Variants in EIF4E observed in about 807,000 individuals in gnomAD.
The protein encoded by EIF4E is eukaryotic translation initiation factor 4E.
For synonymous variants in EIF4E, 71 were observed against 88.5 expected, an observed-to-expected ratio of 0.80 and a Z score of 1.11; for missense variants, 113 against 265.6, an observed-to-expected ratio of 0.43 and a Z score of 3.99.
intron 1 of EIF4E, among the ~76,000 whole-genome samples, chr4:98,911,303 C>A (rs1442140110): frequency 2.0e-5 from 3 of 150,894 alleles, no homozygotes; most frequent in African/African-American, 7.3e-5. Context: ...CCGCCTCGGC[C>A]TCCCAAAGTG....
At chr4:98,921,076 C>T (rs1158208694) in intron 1 of EIF4E, among the ~76,000 whole-genome samples, 1 of 152,226 alleles carries the variant, frequency 6.6e-6, no homozygotes, top group East Asian at 1.9e-4. Context: ...AGTGCTATTC[C>T]TTTTGCGGCA....
chr4:98,924,662 C>T (rs564388938), intron 1 of EIF4E, among the ~76,000 whole-genome samples: 1 of 152,046 alleles, frequency 6.6e-6, no homozygotes, highest in South Asian at 2.1e-4. Context: ...GGTACCATCT[C>T]GGTTCACTGC....
At position 98,928,933 on chromosome 4, in the gene EIF4E, G is replaced by C. The variant is rs111394750; in HGVS notation, c.18+162C>G. ...CTACACGCCGCCTCGGCCATCCTCCGGGACGTCCCCACTTGTCCGCGGGAG... is the reference window on the plus strand; with the variant it reads ...CTACACGCCGCCTCGGCCATCCTCCCGGACGTCCCCACTTGTCCGCGGGAG... On this transcript the variant is annotated intron_variant, in intron 1 of 6. Transcript: ENST00000450253. The C allele has an allele frequency of 3.8e-6, 6 of 1,575,582 alleles. No homozygotes were observed. In the Admixed American group the frequency reaches 5.5e-5, roughly 15 times the overall value.
rs1723855153 is a variant in EIF4E, at chr4:98,885,039, G to C, written c.422C>G (p.Ser141Cys). Residue 141 changes from serine (S) to cysteine (C), a missense_variant, in exon 6 of 7, where the codon TCT becomes TGT. Transcript: ENST00000450253. ...LETLLCLIGE[S>C]FDDYSDDVCG... ...TACATCATCACTGTAGTCATCAAAA[G>C]ATTCTCCAATAAGGCACAGAAGCTT... 2 of 1,612,932 alleles carry C rather than the reference G, an allele frequency of 1.2e-6. No individual in the cohort carries two copies. Among genetic ancestry groups the C allele is most frequent in the East Asian group, 2.2e-5 (1 of 44,778 alleles).
chr4:98,921,208 G>GA (rs986509517), intron 1 of EIF4E, among the ~76,000 whole-genome samples: 11 of 151,952 alleles, frequency 7.2e-5, no homozygotes, highest in African/African-American at 2.2e-4. Context: ...AGAACTATAA[G>GA]AAAAAATATA....
intron 2 of EIF4E, chr4:98,891,558 C>T: frequency 1.8e-6 from 1 of 545,196 alleles, no homozygotes; most frequent in Non-Finnish European, 3.2e-6. Flanking sequence ...TAAGCCAGCC[C>T]CCCTCCAAAA....
In EIF4E at chr4:98,887,329, A is replaced by T; in HGVS notation, c.286-137T>A. 2 of 889,894 alleles carry T rather than the reference A, an allele frequency of 2.2e-6. No homozygotes were observed. The highest frequency in any genetic ancestry group is 3.7e-6 in the Non-Finnish European group (2 of 536,454). 55.1% of individuals were successfully genotyped at this position (889,894 alleles called of 1,614,324 possible). On this transcript the variant is annotated intron_variant, in intron 4 of 6. Coordinates refer to ENST00000450253, the MANE Select transcript of EIF4E (RefSeq NM_001968.5). The surrounding 1 kb of genome is among the most constrained non-coding windows in gnomAD (Gnocchi z 4.0). The stretch of plus-strand genomic sequence containing the variant: ...TAAAACTGCCATTGATGTAGTTTTT[A>T]AACAGCACATAAGACTTAAAGCCAG...
intron 2 of EIF4E, among the ~76,000 whole-genome samples, chr4:98,896,918 C>T (rs555985418): frequency 3.3e-5 from 5 of 152,094 alleles, no homozygotes; most frequent in African/African-American, 1.2e-4. Context: ...AGATTACACG[C>T]CACCCCAGCC....
At position 98,882,390 on chromosome 4, in the gene EIF4E, C is replaced by A. The variant is rs1183115783; in HGVS notation, c.540-1248G>T. 5.6e-5 allele frequency among the ~76,000 whole-genome samples: 6 copies of A among 107,062 alleles called. No individual in the cohort carries two copies. In the East Asian group the frequency reaches 1.7e-3, roughly 30 times the overall value. 70.2% of individuals were successfully genotyped at this position (107,062 alleles called of 152,430 possible). A position where few individuals can be genotyped will look rare whatever the true frequency, so the allele number is the denominator to read the frequency against. ...CCAGCCTGGGTGACAGAGCAAGACT[C>A]CGTCTCAAAAAAAAAAAAAAAAAAG... On this transcript the variant is annotated intron_variant, in intron 6 of 6. Coordinates refer to ENST00000450253, the MANE Select transcript of EIF4E (RefSeq NM_001968.5).
chr4:98,908,661 T>C (rs1363434690), intron 1 of EIF4E, among the ~76,000 whole-genome samples: 1 of 151,884 alleles, frequency 6.6e-6, no homozygotes, highest in African/African-American at 2.4e-5. Flanking sequence ...AAACTATGAG[T>C]TTTTACTTGA....
At chr4:98,922,553 CAAAA>C (rs1157510228) in intron 1 of EIF4E, among the ~76,000 whole-genome samples, 6 of 74,144 alleles carry the variant, frequency 8.1e-5, no homozygotes, top group Admixed American at 4.7e-4. Context: ...GACGCTGTCT[CAAAA>C]AAAAAAAAAA....
At chr4:98,905,181 C>A in intron 1 of EIF4E, among the ~76,000 whole-genome samples, 1 of 150,170 alleles carries the variant, frequency 6.7e-6, no homozygotes, top group Non-Finnish European at 1.5e-5. Flanking sequence ...GAGCAAATTT[C>A]ACTGGAAATT....
At chr4:98,893,873 ACTAT>A (rs1211484529) in intron 2 of EIF4E, among the ~76,000 whole-genome samples, 16 of 152,248 alleles carry the variant, frequency 1.1e-4, no homozygotes, top group Non-Finnish European at 4.4e-5. Flanking sequence ...CAAAGGAATC[ACTAT>A]CTACAGCATT....
chr4:98,903,951 C>T lies in EIF4E; in HGVS notation c.19-1969G>A, dbSNP rs560491814. ...GTTTCCAGGCAGACAGTGGGAGTCT[C>T]GATGAAAACAATGAGAGACTGGCAG... On this transcript the variant is annotated intron_variant, in intron 1 of 6. Coordinates refer to ENST00000450253, the MANE Select transcript of EIF4E (RefSeq NM_001968.5). Among the ~76,000 whole-genome samples, 14 of 152,172 alleles carry T rather than the reference C, an allele frequency of 9.2e-5. No homozygotes were observed. In the South Asian group the frequency reaches 1.9e-3, roughly 20 times the overall value.
chr4:98,908,895 C>G (rs1348187399), intron 1 of EIF4E, among the ~76,000 whole-genome samples: 2 of 152,186 alleles, frequency 1.3e-5, no homozygotes, highest in East Asian at 3.8e-4. Flanking sequence ...ACCACATGTC[C>G]TAGTTCTACC....
At chr4:98,900,356 AC>A (rs1248747316) in intron 2 of EIF4E, among the ~76,000 whole-genome samples, 2 of 152,180 alleles carry the variant, frequency 1.3e-5, no homozygotes, top group Admixed American at 6.5e-5. Flanking sequence ...TTTGTTCCTC[AC>A]TGGAGGATAT....
At chr4:98,907,519 A>G (rs978178991) in intron 1 of EIF4E, among the ~76,000 whole-genome samples, 2 of 152,196 alleles carry the variant, frequency 1.3e-5, no homozygotes, top group Non-Finnish European at 2.9e-5. Flanking sequence ...GTGCTTCCAA[A>G]TAATGCTGCA....
chr4:98,909,845 C>T, intron 1 of EIF4E: 1 of 679,916 alleles, frequency 1.5e-6, no homozygotes, highest in East Asian at 2.7e-5. Context: ...ACAGGATCAG[C>T]CATGGTCCCC....
Position 98,902,069 on chromosome 4 carries a change from T to C in EIF4E, c.19-87A>G, listed in dbSNP as rs540051102. ...TCTAACTAAACCTGAACTGATATGC[T>C]GATAATTTTTTTTTTTTGAGACAGA... On this transcript the variant is annotated intron_variant, in intron 1 of 6. Transcript: ENST00000450253. 3.0e-6 allele frequency: 4 copies of C among 1,324,602 alleles called. No homozygotes were observed. In the South Asian group the frequency reaches 4.9e-5, roughly 16 times the overall value. The allele number at this position is 1,324,602 out of a possible 1,614,324, so 82.1% of individuals were successfully genotyped here.
Sources: gnomAD v4.1 joint callset for allele counts (sites outside exome capture counted in the v4.1 genomes callset) on GRCh38, gnomAD v4.1.1 for gene constraint, Gnocchi (gnomAD v3.1) non-coding constraint, MANE v1.5 for transcripts, NCBI Gene and HGNC (gene_info 2026-07-23, HGNC 2026-07-21) for gene names.